Variants in ASIC2 observed in about 807,000 individuals in gnomAD.
The protein encoded by ASIC2 is acid sensing ion channel subunit 2, also known as acid-sensing ion channel 2.
A neutral mutation model predicts 57.3 loss-of-function variants in ASIC2; 25 were observed. The observed-to-expected ratio is 0.44, with a 90% confidence interval of 0.32 to 0.61. ASIC2 has a LOEUF of 0.61. ASIC2 is among the 20% of genes least tolerant of loss of function. The pLI is 0.06. For missense variants in ASIC2, 641 were observed against 738.1 expected, an observed-to-expected ratio of 0.87 and a Z score of 1.52; for synonymous variants, 319 against 307.5, an observed-to-expected ratio of 1.04 and a Z score of -0.39.
At chr17:33,680,242 C>T (rs1027315258) in intron 1 of ASIC2, among the ~76,000 whole-genome samples, 1 of 152,060 alleles carries the variant, frequency 6.6e-6, no homozygotes, top group Non-Finnish European at 1.5e-5. Context: ...CATGATGTCC[C>T]CCACTATGAA....
rs562529483 is a variant in ASIC2 at position 33,063,024 on chromosome 17, T to C, written c.987+25839A>G. On this transcript the variant is annotated intron_variant, in intron 3 of 9. Coordinates refer to ENST00000225823, the MANE Select transcript of ASIC2 (RefSeq NM_183377.2). ...GTTTTCGATTTGCTTGGCAGATCTTTCTCCATCCCTTTATTTTGAGCCCAT... is the reference window on the plus strand; with the variant it reads ...GTTTTCGATTTGCTTGGCAGATCTTCCTCCATCCCTTTATTTTGAGCCCAT... Among the ~76,000 whole-genome samples, 11 of 152,320 alleles carry C rather than the reference T, an allele frequency of 7.2e-5. No homozygotes were observed. In the South Asian group the frequency reaches 2.3e-3, roughly 32 times the overall value.
intron 1 of ASIC2, among the ~76,000 whole-genome samples, chr17:34,128,643 G>A (rs183137157): frequency 3.0e-4 from 46 of 152,282 alleles, no homozygotes; most frequent in African/African-American, 1.0e-3. Context: ...AGAACTGTGC[G>A]CTAGATAAGC....
At chr17:33,072,766 G>T (rs1266045478) in intron 3 of ASIC2, among the ~76,000 whole-genome samples, 2 of 152,200 alleles carry the variant, frequency 1.3e-5, no homozygotes, top group Non-Finnish European at 2.9e-5. Flanking sequence ...TCTAGGGATG[G>T]ATTTGCTGCT....
At chr17:33,502,068 G>A (rs762651004) in intron 1 of ASIC2, among the ~76,000 whole-genome samples, 2 of 152,206 alleles carry the variant, frequency 1.3e-5, no homozygotes, top group African/African-American at 2.4e-5. Flanking sequence ...GACACCTGAA[G>A]GTGAAATCTA....
intron 1 of ASIC2, among the ~76,000 whole-genome samples, chr17:33,529,016 T>A (rs978688055): frequency 1.3e-5 from 2 of 152,090 alleles, no homozygotes; most frequent in African/African-American, 4.8e-5. Context: ...GAGAGCCAAG[T>A]GGCCAGGAAA....
chr17:34,076,840 A>C (rs1370195474), intron 1 of ASIC2, among the ~76,000 whole-genome samples: 1 of 152,174 alleles, frequency 6.6e-6, no homozygotes, highest in African/African-American at 2.4e-5. Context: ...AGACAGGAAG[A>C]GTGGGAAGGG....
chr17:33,498,905 A>G (rs1290061838), intron 1 of ASIC2, among the ~76,000 whole-genome samples: 1 of 152,212 alleles, frequency 6.6e-6, no homozygotes, highest in African/African-American at 2.4e-5. Context: ...ACATTTCCCA[A>G]AGAGAAAAGA....
At chr17:33,436,747 T>C (rs1025506203) in intron 1 of ASIC2, among the ~76,000 whole-genome samples, 5 of 152,072 alleles carry the variant, frequency 3.3e-5, no homozygotes, top group African/African-American at 1.2e-4. Flanking sequence ...GTGACTTGGT[T>C]ATTTTCTGTA....
chr17:33,739,609 A>G (rs1910031632), intron 1 of ASIC2, among the ~76,000 whole-genome samples: 2 of 152,212 alleles, frequency 1.3e-5, no homozygotes, highest in African/African-American at 2.4e-5. Context: ...GTCTGAATAA[A>G]AGCTGCACTT....
At chr17:33,564,059 G>C (rs78522422) in intron 1 of ASIC2, among the ~76,000 whole-genome samples, 8,446 of 152,266 alleles carry the variant, frequency 0.055, 486 homozygotes, top group East Asian at 0.29. Flanking sequence ...ACATATTCCT[G>C]TGGTGGGAGG....
intron 1 of ASIC2, among the ~76,000 whole-genome samples, chr17:33,162,811 C>T (rs1905198795): frequency 6.6e-6 from 1 of 152,160 alleles, no homozygotes; most frequent in Non-Finnish European, 1.5e-5. Context: ...CTCTTCCTTC[C>T]TGGTAGCAGC....
intron 1 of ASIC2, among the ~76,000 whole-genome samples, chr17:33,424,490 A>G (rs1246511749): frequency 6.6e-6 from 1 of 152,230 alleles, no homozygotes; most frequent in African/African-American, 2.4e-5. Flanking sequence ...TAATTAGTCT[A>G]TGGCAGAGGC....
chr17:34,036,288 C>T (rs1907873836), intron 1 of ASIC2, among the ~76,000 whole-genome samples: 3 of 146,634 alleles, frequency 2.0e-5, no homozygotes, highest in South Asian at 2.1e-4. Flanking sequence ...AACCAAACAT[C>T]GCATGTTCTC....
intron 1 of ASIC2, among the ~76,000 whole-genome samples, chr17:33,430,934 T>C (rs1244681760): frequency 6.6e-6 from 1 of 152,074 alleles, no homozygotes; most frequent in African/African-American, 2.4e-5. Flanking sequence ...GGTAATGAGG[T>C]ATCCCCATGG....
chr17:33,037,130 C>CCAA (rs556664702), intron 3 of ASIC2, among the ~76,000 whole-genome samples: 1 of 125,590 alleles, frequency 8.0e-6, no homozygotes, highest in East Asian at 2.5e-4. Context: ...GGTGTGGTAG[C>CCAA]AAAAAAAAAA....
At chr17:33,683,969 T>C (rs757225239) in intron 1 of ASIC2, among the ~76,000 whole-genome samples, 26 of 152,138 alleles carry the variant, frequency 1.7e-4, no homozygotes, top group Admixed American at 1.1e-3. Flanking sequence ...ACGTACGAAT[T>C]TAGGGGGAGG....
intron 1 of ASIC2, among the ~76,000 whole-genome samples, chr17:33,962,874 T>G (rs767650918): frequency 3.9e-5 from 6 of 152,186 alleles, no homozygotes; most frequent in Non-Finnish European, 7.4e-5. Flanking sequence ...GAGGCTGACC[T>G]TAAGCTACCT....
At chr17:33,142,673 C>G (rs1416031785) in intron 1 of ASIC2, among the ~76,000 whole-genome samples, 1 of 152,218 alleles carries the variant, frequency 6.6e-6, no homozygotes, top group Non-Finnish European at 1.5e-5. Context: ...GTCCACTTAA[C>G]TTTTCAGACT....
rs571717859 is a variant in ASIC2, at chr17:33,098,570, C to T, written c.860-9580G>A. Among the ~76,000 whole-genome samples, 7 of 152,262 alleles carry T rather than the reference C, an allele frequency of 4.6e-5. No individual in the cohort carries two copies. The East Asian group carries it at 1.4e-3, about 29-fold the overall frequency. On this transcript the variant is annotated intron_variant, in intron 2 of 9. Transcript: ENST00000225823. ...GCAGCGTGATGCAGCAGCGTTCTTA[C>T]CAATGGCTGGTGATCCAGGAGATGC... is the stretch of plus-strand genomic sequence containing the variant.
Sources: allele counts gnomAD v4.1 joint callset (sites outside exome capture counted in the v4.1 genomes callset), GRCh38; gene constraint gnomAD v4.1.1; transcripts MANE v1.5; gene names NCBI Gene and HGNC (gene_info 2026-07-23, HGNC 2026-07-21).